Variants in ADGRL3 observed in about 807,000 individuals in gnomAD.
The protein encoded by ADGRL3 is calcium-independent alpha-latrotoxin receptor 3.
In ADGRL3, 62 loss-of-function variants were observed where a neutral mutation model predicts 153.5. The observed-to-expected ratio is 0.40, with a 90% CI of 0.33 to 0.50. The LOEUF (loss-of-function observed/expected upper bound fraction) is 0.50, where lower values mean the gene tolerates loss of function less well. Ranked by LOEUF, ADGRL3 falls within the 20% of genes least tolerant of loss-of-function variation. The pLI is 0.47. For missense variants in ADGRL3, 1,641 were observed against 1,859.4 expected, an observed-to-expected ratio of 0.88 and a Z score of 2.16; for synonymous variants, 710 against 672.5, an observed-to-expected ratio of 1.06 and a Z score of -0.86.
intron 5 of ADGRL3, among the ~76,000 whole-genome samples, chr4:61,658,018 A>C (rs892597530): frequency 6.6e-6 from 1 of 152,152 alleles, no homozygotes; most frequent in Non-Finnish European, 1.5e-5. Flanking sequence ...GCAAATCAAC[A>C]CACAACCAGT....
rs1747101335 is a variant in ADGRL3, at chr4:62,076,245, G to GTTTTGATGTTTCTT, written c.*5341_*5354dup. The GTTTTGATGTTTCTT allele has an allele frequency of 6.6e-6, 1 of 151,358 alleles. No individual in the cohort carries two copies. The highest frequency in any genetic ancestry group is 2.1e-4 in the South Asian group (1 of 4,834). 9.4% of individuals were successfully genotyped at this position (151,358 alleles called of 1,614,324 possible). On this transcript the variant is annotated 3_prime_UTR_variant, in exon 27 of 27. Transcript: ENST00000683033. ...ATTCAAATGTCTTGATTTCAGCTAA[G>GTTTTGATGTTTCTT]TTTTGATGTTTCTTTTTCTCTTAAT...
intron 1 of ADGRL3, among the ~76,000 whole-genome samples, chr4:61,380,659 C>T (rs1004382941): frequency 1.3e-5 from 2 of 151,912 alleles, no homozygotes; most frequent in Admixed American, 1.3e-4. Context: ...ATTTCTGGTG[C>T]ATTGCTTTTT....
intron 1 of ADGRL3, among the ~76,000 whole-genome samples, chr4:61,259,927 A>C (rs565343201): frequency 6.6e-6 from 1 of 152,338 alleles, no homozygotes; most frequent in East Asian, 1.9e-4. Context: ...TTTAGGAAGC[A>C]TTTGAATAAG....
chr4:61,407,548 G>A (rs1563532), intron 2 of ADGRL3, among the ~76,000 whole-genome samples: 151,150 of 152,228 alleles, frequency 0.99, 75,043 homozygotes, highest in Middle Eastern at 1. Context: ...AAAAAACTGA[G>A]GAAAACAACC....
intron 1 of ADGRL3, among the ~76,000 whole-genome samples, chr4:61,321,084 A>G (rs2095345933): frequency 6.6e-6 from 1 of 152,180 alleles, no homozygotes; most frequent in Non-Finnish European, 1.5e-5. Context: ...CCATGTAGAT[A>G]ATCCTAGATA....
At chr4:61,235,467 G>C (rs1752454736) in intron 1 of ADGRL3, among the ~76,000 whole-genome samples, 1 of 152,174 alleles carries the variant, frequency 6.6e-6, no homozygotes, top group Non-Finnish European at 1.5e-5. Flanking sequence ...AGAGCTTGTA[G>C]ACTAAAGTGT....
chr4:61,320,597 C>G (rs1444843937), intron 1 of ADGRL3, among the ~76,000 whole-genome samples: 2 of 152,182 alleles, frequency 1.3e-5, no homozygotes, highest in Non-Finnish European at 2.9e-5. Flanking sequence ...ACCTCCATCT[C>G]TGCTCTTAAG....
intron 3 of ADGRL3, among the ~76,000 whole-genome samples, chr4:61,508,478 C>G (rs1366885244): frequency 6.6e-6 from 1 of 152,124 alleles, no homozygotes; most frequent in Non-Finnish European, 1.5e-5. Flanking sequence ...TAAAAGCAGA[C>G]TATTTATTCT....
At chr4:61,866,676 T>C (rs2098402118) in intron 9 of ADGRL3, among the ~76,000 whole-genome samples, 1 of 152,184 alleles carries the variant, frequency 6.6e-6, no homozygotes, top group Non-Finnish European at 1.5e-5. Flanking sequence ...TGAAACTTCA[T>C]AATGAAGGAA....
At chr4:61,551,544 C>CA (rs1212818900) in intron 4 of ADGRL3, among the ~76,000 whole-genome samples, 4 of 152,136 alleles carry the variant, frequency 2.6e-5, no homozygotes, top group African/African-American at 9.7e-5. Flanking sequence ...GGCATTTATA[C>CA]AAGCTGTGAT....
chr4:61,472,675 G>A (rs2097976187), intron 2 of ADGRL3, among the ~76,000 whole-genome samples: 1 of 152,012 alleles, frequency 6.6e-6, no homozygotes, highest in Non-Finnish European at 1.5e-5. Flanking sequence ...CCATTATAAA[G>A]CTGCCTACTA....
chr4:61,493,156 T>C (rs1239612752), intron 2 of ADGRL3, among the ~76,000 whole-genome samples: 2 of 152,174 alleles, frequency 1.3e-5, no homozygotes, highest in East Asian at 1.9e-4. Context: ...TAAAACATAT[T>C]GTATAATTAT....
At chr4:61,570,739 A>G (rs772917628) in intron 4 of ADGRL3, among the ~76,000 whole-genome samples, 2 of 152,138 alleles carry the variant, frequency 1.3e-5, no homozygotes, top group Non-Finnish European at 2.9e-5. Flanking sequence ...TCTTTGCACT[A>G]TATCAAGGAA....
At chr4:61,779,051 C>T (rs2097184262) in intron 8 of ADGRL3, among the ~76,000 whole-genome samples, 2 of 145,716 alleles carry the variant, frequency 1.4e-5, no homozygotes, top group Non-Finnish European at 3.0e-5. Context: ...GAGGGAGACT[C>T]TGTCTCAAAA....
At chr4:61,971,235 C>A (rs1190702938) in intron 17 of ADGRL3, among the ~76,000 whole-genome samples, 2 of 151,432 alleles carry the variant, frequency 1.3e-5, no homozygotes, top group Non-Finnish European at 2.9e-5. Flanking sequence ...TATACATGTG[C>A]CATGCTGGTG....
intron 17 of ADGRL3, among the ~76,000 whole-genome samples, chr4:61,951,010 G>A (rs964379609): frequency 1.3e-5 from 2 of 152,066 alleles, no homozygotes; most frequent in African/African-American, 4.8e-5. Flanking sequence ...GTGAACTGAA[G>A]AACTTATTAG....
chr4:61,951,252 A>T (rs1275969500), intron 17 of ADGRL3, among the ~76,000 whole-genome samples: 1 of 152,124 alleles, frequency 6.6e-6, no homozygotes, highest in South Asian at 2.1e-4. Flanking sequence ...CTTTATAATC[A>T]CCAAAGACAC....
intron 4 of ADGRL3, chr4:61,579,577 A>G (rs1434279417): frequency 7.8e-6 from 4 of 511,946 alleles, no homozygotes; most frequent in African/African-American, 1.9e-5. Context: ...AACTTTGTGT[A>G]TGTGCCCTCA....
chr4:61,287,828 A>G (rs1286552432), intron 1 of ADGRL3, among the ~76,000 whole-genome samples: 1 of 151,942 alleles, frequency 6.6e-6, no homozygotes, highest in Non-Finnish European at 1.5e-5. Flanking sequence ...TCCCATGGCT[A>G]GGAAATTCGG....
Sources: gnomAD v4.1 joint callset for allele counts (sites outside exome capture counted in the v4.1 genomes callset) on GRCh38, gnomAD v4.1.1 for gene constraint, MANE v1.5 for transcripts, NCBI Gene and HGNC (gene_info 2026-07-23, HGNC 2026-07-21) for gene names.